TACC3: variants seen among roughly 807,000 people sequenced by gnomAD.
TACC3 encodes transforming acidic coiled-coil-containing protein 3.
In TACC3, 52 loss-of-function variants were observed where a neutral mutation model predicts 86.0. The observed-to-expected ratio is 0.60, with a 90% CI of 0.48 to 0.76. The LOEUF (loss-of-function observed/expected upper bound fraction) is 0.76. Among genes scored for constraint, TACC3 ranks in the 30% least tolerant of loss-of-function variants. The pLI, the probability that TACC3 is intolerant of heterozygous loss-of-function variation, is 0.00. For missense variants in TACC3, 1,120 were observed against 1,070.4 expected, an observed-to-expected ratio of 1.05 and a Z score of -0.65; for synonymous variants, 512 against 430.0, an observed-to-expected ratio of 1.19 and a Z score of -2.36.
chr4:1,739,671 C>T (rs1718469492), intron 10 of TACC3, 31 bp from the exon 11 acceptor site: 1 of 1,557,620 alleles, frequency 6.4e-7, no homozygotes, highest in Non-Finnish European at 8.7e-7. Context: ...TCTGGCCCGC[C>T]TGCCTGCTGA....
At chr4:1,731,683 T>A (rs958006557) in intron 6 of TACC3, among the ~76,000 whole-genome samples, 3 of 152,156 alleles carry the variant, frequency 2.0e-5, no homozygotes, top group Non-Finnish European at 4.4e-5. Flanking sequence ...TCACCCAGCC[T>A]GGAATGCAGT....
chr4:1,740,039 G>C (rs762893146), intron 12 of TACC3, 37 bp downstream of exon 12: 39 of 1,610,546 alleles, frequency 2.4e-5, no homozygotes, highest in Non-Finnish European at 1.8e-5. Flanking sequence ...GTGCCTCCAC[G>C]AGGGGCTGCC....
At chr4:1,734,479 C>T (rs1026606544) in intron 6 of TACC3, among the ~76,000 whole-genome samples, 2 of 152,188 alleles carry the variant, frequency 1.3e-5, no homozygotes, top group Admixed American at 1.3e-4. Flanking sequence ...TGAGCTACTG[C>T]GCCCAGCCAC....
intron 13 of TACC3, among the ~76,000 whole-genome samples, chr4:1,743,747 G>T (rs971680192): frequency 2.2e-4 from 34 of 152,182 alleles, no homozygotes; most frequent in Non-Finnish European, 4.6e-4. Flanking sequence ...CTGTGCACAC[G>T]TGAGAGCTTC....
At chr4:1,733,136 G>A (rs890585603) in intron 6 of TACC3, among the ~76,000 whole-genome samples, 6 of 152,086 alleles carry the variant, frequency 3.9e-5, no homozygotes, top group Non-Finnish European at 5.9e-5. Flanking sequence ...GGTGGGAAGC[G>A]GATCTGGTTG....
At chr4:1,728,907 C>G in intron 4 of TACC3, 120 bp downstream of exon 4, 2 of 1,022,830 alleles carry the variant, frequency 2.0e-6, no homozygotes, top group East Asian at 2.6e-5. Context: ...TAGGTTCTGC[C>G]TGAGGAGGGG....
In TACC3 at chr4:1,740,663, T is replaced by C. The variant is rs963062239; in HGVS notation, c.2063-163T>C. ...TGTTTCCTGGGCTTTGCATCCGGCC[T>C]AGAAGATCCTGGGTGGAGGGACCCA... is the stretch of plus-strand genomic sequence containing the variant. On this transcript the variant is annotated intron_variant, in intron 12 of 15. Transcript: ENST00000313288. The C allele has an allele frequency of 7.8e-6, 5 of 638,442 alleles. No individual in the cohort carries two copies. The African/African-American group carries it at 9.2e-5, about 12-fold the overall frequency. The allele number at this position is 638,442 out of a possible 1,614,324, so 39.5% of individuals were successfully genotyped here. A position where few individuals can be genotyped will look rare whatever the true frequency, so the allele number is the denominator to read the frequency against.
intron 3 of TACC3, among the ~76,000 whole-genome samples, chr4:1,727,197 G>A (rs1218078626): frequency 6.6e-6 from 1 of 152,052 alleles, no homozygotes; most frequent in Non-Finnish European, 1.5e-5. Context: ...CCAGGTGGGA[G>A]AGATGCCTCC....
At chr4:1,737,205 G>C in intron 8 of TACC3, 36 bp from the exon 9 acceptor site, 1 of 1,557,250 alleles carries the variant, frequency 6.4e-7, no homozygotes. Flanking sequence ...ACACTGGGAG[G>C]GCCTAGTGAC....
At chr4:1,720,806 G>C, upstream of TACC3, 1 of 1,594,862 alleles carries the variant, frequency 6.3e-7, no homozygotes, top group Non-Finnish European at 8.5e-7. This position sits in a 1 kb window ranked among gnomAD's most constrained non-coding sequence, Gnocchi z 4.4. Context: ...CACCAGATAG[G>C]CGAGAGTGAA....
At chr4:1,724,484 A>G (rs959535932) in intron 3 of TACC3, among the ~76,000 whole-genome samples, 7 of 129,770 alleles carry the variant, frequency 5.4e-5, no homozygotes, top group Non-Finnish European at 1.1e-4. Flanking sequence ...TCCACCTCCC[A>G]GGTTCATGCC....
rs1718354301 is a variant in TACC3, at chr4:1,737,693, G to A, written c.1932G>A (p.Leu644=). ...TGCTCCAGTACAGCCAGAAGGACCT[G>A]GATGCAGTGGTAAGGACGCAGGTAG... ...VDLLQYSQKD[L]DAVVKATQEE... Residue 644 remains leucine, a synonymous_variant, in exon 10 of 16, where the codon CTG becomes CTA. Coordinates refer to ENST00000313288, the MANE Select transcript of TACC3 (RefSeq NM_006342.3). The A allele has an allele frequency of 1.9e-6, 3 of 1,551,072 alleles. No individual in the cohort carries two copies. In the African/African-American group the frequency reaches 4.1e-5, roughly 21 times the overall value.
intron 13 of TACC3, among the ~76,000 whole-genome samples, chr4:1,743,677 T>C (rs1036875789): frequency 1.3e-5 from 2 of 152,044 alleles, no homozygotes; most frequent in African/African-American, 4.8e-5. Context: ...TGGGAACCAG[T>C]GTGTGGACGG....
chr4:1,721,052 G>A, upstream of TACC3: 1 of 300,254 alleles, frequency 3.3e-6, no homozygotes, highest in Non-Finnish European at 6.1e-6. Flanking sequence ...CTAGGACATG[G>A]AGTCCCGCCG....
rs754957503 is a variant in TACC3, at chr4:1,739,700, AGGTAAAGGC to A, written c.1942_1950del (p.Val648_Ala650del). On this transcript the variant is annotated splice_acceptor_variant and coding_sequence_variant, in exon 11 of 16. Transcript: ENST00000313288. LOFTEE classifies it high-confidence loss of function. ...CTGCTGACTTGGGTGTGGCCTGAGC[AGGTAAAGGC>A]GACACAGGAGGAGAACCGGGAGCTG... The A allele has an allele frequency of 6.3e-6, 10 of 1,575,478 alleles. No individual in the cohort carries two copies. The highest frequency in any genetic ancestry group is 7.7e-6 in the Non-Finnish European group (9 of 1,161,820).
upstream of TACC3, chr4:1,721,050 T>C (rs1235225996): frequency 1.4e-5 from 4 of 282,604 alleles, no homozygotes; most frequent in East Asian, 1.7e-4. Context: ...CTCTAGGACA[T>C]GGAGTCCCGC....
In TACC3 at chr4:1,740,962, A is replaced by G. The variant is rs540453894; in HGVS notation, c.2199A>G (p.Lys733=). ...SDLFKRFEKQ[K]EVIEGYRKNE... The stretch of plus-strand genomic sequence containing the variant: ...TCTTCAAGCGTTTTGAGAAACAGAA[A>G]GAGGTGATCGAGGGCTACCGCAAGG... Residue 733 remains lysine, a synonymous_variant, in exon 13 of 16, where the codon AAA becomes AAG. Transcript: ENST00000313288. The G allele has an allele frequency of 4.3e-6, 7 of 1,609,870 alleles. No individual in the cohort carries two copies. In the South Asian group the frequency reaches 4.4e-5, roughly 10 times the overall value.
Position 1,740,784 on chromosome 4 carries a change from G to A in TACC3, c.2063-42G>A, listed in dbSNP as rs374499976. ...GGCTGTCTCTGGCACCCATCGTTTC[G>A]GTTGCCTCCTCATCCTGAACGTTTG... On this transcript the variant is annotated intron_variant, in intron 12 of 15. Transcript: ENST00000313288. 59 of 1,574,406 alleles carry A rather than the reference G, an allele frequency of 3.7e-5. No individual in the cohort carries two copies. The South Asian group carries it at 4.0e-4, about 11-fold the overall frequency.
chr4:1,727,813 G>A lies in TACC3; in HGVS notation c.411G>A (p.Gly137=). ...TGGGGGATGCAAGCCCAGCCTTTGG[G>A]AGTGGCAGCTCCAGCGAGTCTGGCC... ...DLLGDASPAF[G]SGSSSESGPG... Residue 137 remains glycine, a synonymous_variant, in exon 4 of 16, where the codon GGG becomes GGA. Transcript: ENST00000313288. 3 of 1,613,002 alleles carry A rather than the reference G, an allele frequency of 1.9e-6. No homozygotes were observed. Among genetic ancestry groups the A allele is most frequent in the South Asian group, 1.1e-5 (1 of 91,090 alleles).
Sources: allele counts gnomAD v4.1 joint callset (sites outside exome capture counted in the v4.1 genomes callset), GRCh38; gene constraint gnomAD v4.1.1; non-coding constraint Gnocchi (gnomAD v3.1); transcripts MANE v1.5; gene names NCBI Gene and HGNC (gene_info 2026-07-23, HGNC 2026-07-21).